Variants in GLI2 observed in about 807,000 individuals in gnomAD.
GLI2 encodes GLI family zinc finger 2, also known as transcription activator GLI2.
GLI2 carries 22 observed loss-of-function variants against 78.9 expected under a neutral mutation model. That is an observed-to-expected ratio of 0.28 (90% confidence interval 0.20 to 0.40). GLI2 has a LOEUF of 0.40. Ranked by LOEUF, GLI2 falls within the 10% of genes least tolerant of loss-of-function variation. GLI2 has a pLI of 1.00. For missense variants in GLI2, 2,097 were observed against 2,213.2 expected (o/e 0.95, Z 1.05); for synonymous variants, 974 against 963.7 (o/e 1.01, Z -0.20).
chr2:120,958,808 C>T (rs142344170), intron 5 of GLI2, among the ~76,000 whole-genome samples: 1 of 152,202 alleles, frequency 6.6e-6, no homozygotes, highest in Non-Finnish European at 1.5e-5. Context: ...TTCAAGCCAC[C>T]AACTAGCTCC....
intron 2 of GLI2, among the ~76,000 whole-genome samples, chr2:120,835,612 C>A (rs1686573860): frequency 1.3e-5 from 2 of 152,088 alleles, no homozygotes; most frequent in Admixed American, 1.3e-4. Flanking sequence ...TCTCCGACTC[C>A]TGACCTCAGG....
At chr2:120,758,296 G>A (rs1171486883) in intron 1 of GLI2, among the ~76,000 whole-genome samples, 1 of 152,376 alleles carries the variant, frequency 6.6e-6, no homozygotes, top group African/African-American at 2.4e-5. Context: ...ACAGCTGAGC[G>A]TGGGAGCTGC....
chr2:120,982,583 T>G, intron 10 of GLI2, 133 bp from the exon 11 acceptor site: 1 of 697,938 alleles, frequency 1.4e-6, no homozygotes, highest in Non-Finnish European at 2.4e-6. Context: ...GAAAGTAATA[T>G]CCTTAAAATG....
intron 2 of GLI2, among the ~76,000 whole-genome samples, chr2:120,882,461 C>T (rs1309386281): frequency 6.6e-6 from 1 of 152,234 alleles, no homozygotes; most frequent in Non-Finnish European, 1.5e-5. Context: ...GGTGTGTGTC[C>T]CTGGAGTCCC....
chr2:120,824,867 G>A (rs1207667899), intron 2 of GLI2, among the ~76,000 whole-genome samples: 2 of 152,094 alleles, frequency 1.3e-5, no homozygotes, highest in East Asian at 3.9e-4. Flanking sequence ...ACAGGTTATC[G>A]CTCAGTTGCT....
chr2:120,925,365 C>G (rs1679612521), intron 2 of GLI2, among the ~76,000 whole-genome samples: 1 of 152,150 alleles, frequency 6.6e-6, no homozygotes, highest in Non-Finnish European at 1.5e-5. Flanking sequence ...GTTAAAATTT[C>G]AGGAGAAAAA....
chr2:120,901,770 T>C (rs1262557505), intron 2 of GLI2, among the ~76,000 whole-genome samples: 2 of 152,190 alleles, frequency 1.3e-5, no homozygotes, highest in South Asian at 4.2e-4. Context: ...GATTAAAATC[T>C]CTGTTCCAGT....
chr2:120,887,006 T>C (rs371601736), intron 2 of GLI2, among the ~76,000 whole-genome samples: 4 of 152,212 alleles, frequency 2.6e-5, no homozygotes, highest in African/African-American at 9.6e-5. Flanking sequence ...CAGAAACACA[T>C]GGTGAAAATA....
chr2:120,967,101 A>G (rs903177908), intron 5 of GLI2, among the ~76,000 whole-genome samples: 5 of 152,214 alleles, frequency 3.3e-5, no homozygotes, highest in Admixed American at 3.3e-4. Context: ...AAGCACAGAC[A>G]TGAGTGTGCT....
In GLI2 at chr2:120,899,488, A is replaced by T. The variant is rs6726086; in HGVS notation, c.149-27873A>T. 4.7e-3 allele frequency among the ~76,000 whole-genome samples: 721 copies of T among 152,208 alleles called. 3 individuals are homozygous for T. Among genetic ancestry groups the T allele is most frequent in the African/African-American group, 0.016 (683 of 41,560 alleles). On this transcript the variant is annotated intron_variant, in intron 2 of 13. Transcript: ENST00000361492. ...TGTTCCTCAGGCTGCAGCTTCCCCA[A>T]GGAAGGCGAGTGCCCCGAGCCTGCT...
intron 2 of GLI2, among the ~76,000 whole-genome samples, chr2:120,844,494 A>G (rs1687022842): frequency 6.6e-6 from 1 of 152,132 alleles, no homozygotes; most frequent in African/African-American, 2.4e-5. Context: ...CTGGCTGGGA[A>G]ATCAGAAGAC....
intron 2 of GLI2, among the ~76,000 whole-genome samples, chr2:120,850,115 G>A (rs139231524): frequency 3.3e-5 from 5 of 151,846 alleles, no homozygotes; most frequent in African/African-American, 9.7e-5. Flanking sequence ...GAAAACAGAC[G>A]GGAGAAGGTT....
chr2:120,849,638 C>T (rs923015997), intron 2 of GLI2, among the ~76,000 whole-genome samples: 2 of 152,250 alleles, frequency 1.3e-5, no homozygotes, highest in South Asian at 2.1e-4. Flanking sequence ...AAGCCCCACT[C>T]ATCTATGCAG....
At chr2:120,777,240 CTG>C (rs1683707336) in intron 1 of GLI2, among the ~76,000 whole-genome samples, 2 of 152,020 alleles carry the variant, frequency 1.3e-5, no homozygotes, top group South Asian at 2.1e-4. Flanking sequence ...TGTGTGTGTG[CTG>C]TGTCAGTTCG....
At chr2:120,738,909 C>T (rs1229224142) in intron 1 of GLI2, among the ~76,000 whole-genome samples, 1 of 152,150 alleles carries the variant, frequency 6.6e-6, no homozygotes, top group Non-Finnish European at 1.5e-5. Context: ...GTTAGCGAGG[C>T]CCTTGTGGCC....
chr2:120,987,847 T>A (rs1683050756), intron 13 of GLI2, among the ~76,000 whole-genome samples: 1 of 152,214 alleles, frequency 6.6e-6, no homozygotes, highest in African/African-American at 2.4e-5. Flanking sequence ...AGATAGGGAC[T>A]TAGGCCTCCT....
chr2:120,764,904 G>A (rs1383869777), intron 1 of GLI2, among the ~76,000 whole-genome samples: 3 of 152,240 alleles, frequency 2.0e-5, no homozygotes, highest in Non-Finnish European at 4.4e-5. Context: ...TAGTGTCTTT[G>A]TGTTAGCTCT....
chr2:120,878,327 G>A (rs112515833), intron 2 of GLI2, among the ~76,000 whole-genome samples: 10 of 152,306 alleles, frequency 6.6e-5, no homozygotes, highest in African/African-American at 2.2e-4. Context: ...CTCTAACTGA[G>A]GAAGCCCATC....
At chr2:120,781,463 A>G (rs368357654) in intron 1 of GLI2, among the ~76,000 whole-genome samples, 9 of 152,008 alleles carry the variant, frequency 5.9e-5, no homozygotes, top group Admixed American at 2.6e-4. Context: ...AACTTCTGAG[A>G]TTTTTCCTAC....
Sources: allele counts gnomAD v4.1 joint callset (sites outside exome capture counted in the v4.1 genomes callset), GRCh38; gene constraint gnomAD v4.1.1; transcripts MANE v1.5; gene names NCBI Gene and HGNC (gene_info 2026-07-23, HGNC 2026-07-21).